CNTNAP5: variants seen among roughly 807,000 people sequenced by gnomAD.
CNTNAP5 encodes contactin associated protein family member 5, also known as contactin-associated protein-like 5.
Under a neutral mutation model 150.2 loss-of-function variants are expected in CNTNAP5, and 72 were observed. That is an observed-to-expected ratio of 0.48 (90% confidence interval 0.40 to 0.58). CNTNAP5 has a LOEUF of 0.58. Ranked by LOEUF, CNTNAP5 falls within the 20% of genes least tolerant of loss-of-function variation. The pLI is 0.00. For synonymous variants in CNTNAP5, 672 were observed against 619.8 expected (o/e 1.08, Z -1.25); for missense variants, 1,636 against 1,626.2 (o/e 1.01, Z -0.10).
intron 3 of CNTNAP5, among the ~76,000 whole-genome samples, chr2:124,259,257 T>C (rs1392940486): frequency 6.6e-6 from 1 of 152,206 alleles, no homozygotes; most frequent in East Asian, 1.9e-4. Context: ...CAGGCTATCA[T>C]TGATGGACAT....
intron 1 of CNTNAP5, among the ~76,000 whole-genome samples, chr2:124,087,940 C>A (rs1682730777): frequency 6.6e-6 from 1 of 151,980 alleles, no homozygotes; most frequent in Non-Finnish European, 1.5e-5. Flanking sequence ...TCATTGGGGT[C>A]GATCCTATCT....
chr2:124,837,406 A>T (rs1019687904), intron 19 of CNTNAP5, among the ~76,000 whole-genome samples: 2 of 152,124 alleles, frequency 1.3e-5, no homozygotes, highest in Non-Finnish European at 2.9e-5. Context: ...CTACAACTAT[A>T]ATTCTCAGTT....
chr2:124,649,254 A>T (rs778546700), intron 13 of CNTNAP5, among the ~76,000 whole-genome samples: 1 of 152,148 alleles, frequency 6.6e-6, no homozygotes, highest in Non-Finnish European at 1.5e-5. Flanking sequence ...TGATTAGATC[A>T]GACGTACTGG....
chr2:124,857,842 A>G (rs1310397560), intron 19 of CNTNAP5, among the ~76,000 whole-genome samples: 4 of 152,024 alleles, frequency 2.6e-5, no homozygotes, highest in Admixed American at 2.0e-4. Context: ...AAACACCACA[A>G]AAACAAAAAC....
chr2:124,604,604 T>G (rs2104977786), intron 11 of CNTNAP5, among the ~76,000 whole-genome samples: 1 of 152,326 alleles, frequency 6.6e-6, no homozygotes, highest in African/African-American at 2.4e-5. Context: ...GTTGTTTCAG[T>G]TTTGTAAAAC....
At chr2:124,277,306 A>G (rs569323030) in intron 3 of CNTNAP5, among the ~76,000 whole-genome samples, 31 of 152,296 alleles carry the variant, frequency 2.0e-4, no homozygotes, top group African/African-American at 7.5e-4. Context: ...TAGAAAGCTC[A>G]GGCCCTTTTT....
rs1240978037 is a variant in CNTNAP5 at position 124,868,365 on chromosome 2, T to C, written c.3349-1310T>C. On this transcript the variant is annotated intron_variant, in intron 20 of 23. Coordinates refer to ENST00000682447, the MANE Select transcript of CNTNAP5 (RefSeq NM_001367498.1). ...TCTGATTATATGCCCTCTGGAACTC[T>C]AGTTGTGCCACTCTGGCCTCTTTGC... 2.6e-5 allele frequency among the ~76,000 whole-genome samples: 4 copies of C among 152,290 alleles called. No homozygotes were observed. The South Asian group carries it at 6.2e-4, about 24-fold the overall frequency.
At position 124,869,658 on chromosome 2, in the gene CNTNAP5, T is replaced by C. The variant is rs769056022; in HGVS notation, c.3349-17T>C. On this transcript the variant is annotated splice_polypyrimidine_tract_variant and intron_variant, in intron 20 of 23. Transcript: ENST00000682447. ...CAGACCTCTGCTGATGTGCCTTTGT[T>C]TTCTGTTTTCCTGCAGATGGACCAG... The C allele has an allele frequency of 4.0e-5, 63 of 1,584,512 alleles. No homozygotes were observed. The highest frequency in any genetic ancestry group is 1.7e-4 in the Middle Eastern group (1 of 6,006).
Position 124,816,693 on chromosome 2 carries a change from G to A in CNTNAP5, c.3217+18373G>A, listed in dbSNP as rs539365858. On this transcript the variant is annotated intron_variant, in intron 19 of 23. Transcript: ENST00000682447. The stretch of plus-strand genomic sequence containing the variant: ...AGGTTTCACCATGTTGGTCAGGCTG[G>A]TCTTGAACTCCTGACCTCAGGTGAT... Among the ~76,000 whole-genome samples, 3 of 151,904 alleles carry A rather than the reference G, an allele frequency of 2.0e-5. 1 individual carries two copies. Among genetic ancestry groups the A allele is most frequent in the South Asian group, 4.2e-4 (2 of 4,796 alleles).
At chr2:124,898,369 A>G (rs572163774) in intron 21 of CNTNAP5, among the ~76,000 whole-genome samples, 4 of 151,536 alleles carry the variant, frequency 2.6e-5, no homozygotes, top group Admixed American at 6.6e-5. Context: ...ATATAAAAAA[A>G]CACACATACA....
chr2:124,123,782 C>A (rs770705900), intron 1 of CNTNAP5, among the ~76,000 whole-genome samples: 23 of 152,286 alleles, frequency 1.5e-4, no homozygotes, highest in Middle Eastern at 6.8e-3. Context: ...TAGTGATACC[C>A]AGGCAAATAG....
intron 3 of CNTNAP5, among the ~76,000 whole-genome samples, chr2:124,415,384 T>A (rs921230028): frequency 2.0e-5 from 3 of 152,220 alleles, no homozygotes; most frequent in Admixed American, 1.3e-4. Flanking sequence ...ATCAATCGCC[T>A]AATTTCAGAG....
chr2:124,390,601 T>C (rs1402747050), intron 3 of CNTNAP5, among the ~76,000 whole-genome samples: 1 of 152,116 alleles, frequency 6.6e-6, no homozygotes, highest in Non-Finnish European at 1.5e-5. Context: ...ACCTGGGAAA[T>C]ACTTCTTTTT....
At chr2:124,588,760 C>T (rs4355122) in intron 11 of CNTNAP5, among the ~76,000 whole-genome samples, 43,652 of 151,974 alleles carry the variant, frequency 0.29, 6,598 homozygotes, top group African/African-American at 0.34. Flanking sequence ...TACGTTTTAT[C>T]TTAACTAAAA....
intron 14 of CNTNAP5, among the ~76,000 whole-genome samples, chr2:124,753,810 C>T (rs997301891): frequency 6.6e-6 from 1 of 152,142 alleles, no homozygotes; most frequent in African/African-American, 2.4e-5. Context: ...CAACACATCA[C>T]GTTATACCCT....
chr2:124,282,994 CTTTT>C (rs61480383), intron 3 of CNTNAP5, among the ~76,000 whole-genome samples: 3 of 140,500 alleles, frequency 2.1e-5, no homozygotes, highest in Non-Finnish European at 1.6e-5. Context: ...GTCCATTGCT[CTTTT>C]TTTTTTTTTT....
intron 13 of CNTNAP5, among the ~76,000 whole-genome samples, chr2:124,675,753 T>C (rs1159876334): frequency 2.0e-5 from 3 of 152,320 alleles, no homozygotes; most frequent in Non-Finnish European, 1.5e-5. Flanking sequence ...TGTCGAGATA[T>C]TGTTGTCATA....
chr2:124,840,028 A>C (rs1682913939), intron 19 of CNTNAP5, among the ~76,000 whole-genome samples: 1 of 152,120 alleles, frequency 6.6e-6, no homozygotes, highest in South Asian at 2.1e-4. Flanking sequence ...TTATGGCTTC[A>C]TTTAGCAGGT....
chr2:124,782,306 T>C (rs2104621830), intron 17 of CNTNAP5, among the ~76,000 whole-genome samples: 1 of 152,346 alleles, frequency 6.6e-6, no homozygotes, highest in South Asian at 2.1e-4. Flanking sequence ...GATGATAATG[T>C]GTCCTGCTTG....
Sources: gnomAD v4.1 joint callset for allele counts (sites outside exome capture counted in the v4.1 genomes callset) on GRCh38, gnomAD v4.1.1 for gene constraint, MANE v1.5 for transcripts, NCBI Gene and HGNC (gene_info 2026-07-23, HGNC 2026-07-21) for gene names.